SPRED1: variants seen among roughly 807,000 people sequenced by gnomAD.
The protein encoded by SPRED1 is sprouty related EVH1 domain containing 1.
SPRED1 carries 18 observed loss-of-function variants against 52.3 expected under a neutral mutation model. That is an observed-to-expected ratio of 0.34 (90% CI 0.24 to 0.51). SPRED1 has a LOEUF of 0.51. Among genes scored for constraint, SPRED1 ranks in the 20% least tolerant of loss-of-function variants. The probability of loss-of-function intolerance (pLI) is 0.97; values close to 1 mark genes in which losing one functional copy is unlikely to be tolerated. For synonymous variants in SPRED1, 155 were observed against 179.7 expected (o/e 0.86, Z 1.10); for missense variants, 485 against 551.0 (o/e 0.88, Z 1.20).
Position 38,319,353 on chromosome 15 carries a change from G to A in SPRED1, c.208-2888G>A, listed in dbSNP as rs188007945. 2.5e-4 allele frequency among the ~76,000 whole-genome samples: 38 copies of A among 152,084 alleles called. 1 individual carries two copies. In the South Asian group the frequency reaches 6.2e-3, roughly 25 times the overall value. On this transcript the variant is annotated intron_variant, in intron 2 of 6. Transcript: ENST00000299084. The stretch of plus-strand genomic sequence containing the variant: ...GTGTAAAATGCTTTAGCAAAGTGCC[G>A]ACTCAAAAAAGCTCTGGATACATGT...
At chr15:38,309,989 C>CCCTAATACAGAGTAGAATGATT (rs1343546283) in intron 2 of SPRED1, among the ~76,000 whole-genome samples, 1 of 152,090 alleles carries the variant, frequency 6.6e-6, no homozygotes, top group African/African-American at 2.4e-5. Context: ...ATATAAGAAG[C>CCCTAATACAGAGTAGAATGATT]CCTAATACAG....
At chr15:38,266,213 T>A (rs1361496173) in intron 1 of SPRED1, among the ~76,000 whole-genome samples, 1 of 152,214 alleles carries the variant, frequency 6.6e-6, no homozygotes. Flanking sequence ...AAATCTTAAA[T>A]GAGCATAAAT....
intron 1 of SPRED1, among the ~76,000 whole-genome samples, chr15:38,270,803 A>AATGT (rs1220941376): frequency 3.3e-5 from 5 of 152,174 alleles, no homozygotes; most frequent in East Asian, 1.9e-4. Flanking sequence ...AAATTAAAAA[A>AATGT]ATGTATGTAT....
At chr15:38,275,435 A>G (rs754528679) in intron 1 of SPRED1, among the ~76,000 whole-genome samples, 5 of 152,140 alleles carry the variant, frequency 3.3e-5, no homozygotes, top group Non-Finnish European at 5.9e-5. Context: ...GGAGAATTGT[A>G]TTTAGAAACT....
At chr15:38,290,697 AAGTGGAAAC>A (rs1377220602) in intron 1 of SPRED1, among the ~76,000 whole-genome samples, 2 of 152,180 alleles carry the variant, frequency 1.3e-5, no homozygotes, top group Non-Finnish European at 2.9e-5. Context: ...GAAGAAGCAA[AAGTGGAAAC>A]CCCTCATAAA....
chr15:38,308,155 A>C (rs1895289477), intron 2 of SPRED1, among the ~76,000 whole-genome samples: 1 of 152,180 alleles, frequency 6.6e-6, no homozygotes, highest in African/African-American at 2.4e-5. Context: ...AATTTTTATG[A>C]AATCTGATTT....
intron 5 of SPRED1, 82 bp from the exon 6 acceptor site, chr15:38,349,340 T>C (rs1896203467): frequency 9.6e-7 from 1 of 1,042,498 alleles, no homozygotes; most frequent in East Asian, 2.5e-5. Flanking sequence ...TAATAAATTA[T>C]GAGGTTTTGG....
At chr15:38,331,227 A>G (rs1486304416) in intron 4 of SPRED1, among the ~76,000 whole-genome samples, 5 of 152,196 alleles carry the variant, frequency 3.3e-5, no homozygotes, top group African/African-American at 1.2e-4. Context: ...CTGTGCCAGC[A>G]TACAATACTA....
At chr15:38,329,316 A>G (rs573815743) in intron 4 of SPRED1, among the ~76,000 whole-genome samples, 31 of 152,320 alleles carry the variant, frequency 2.0e-4, no homozygotes, top group African/African-American at 7.5e-4. Flanking sequence ...CTTTAGAAGT[A>G]AGTAATGTCA....
At chr15:38,325,315 T>G (rs1274692620) in intron 4 of SPRED1, among the ~76,000 whole-genome samples, 1 of 152,234 alleles carries the variant, frequency 6.6e-6, no homozygotes, top group Non-Finnish European at 1.5e-5. Flanking sequence ...AACATAAATT[T>G]CATCTTTAAA....
At chr15:38,277,149 A>G (rs1021588240) in intron 1 of SPRED1, among the ~76,000 whole-genome samples, 20 of 152,166 alleles carry the variant, frequency 1.3e-4, no homozygotes, top group African/African-American at 4.6e-4. Flanking sequence ...TTTAGGTTCA[A>G]GGTTACACGT....
intron 1 of SPRED1, among the ~76,000 whole-genome samples, chr15:38,282,473 C>CAA (rs1199621943): frequency 6.6e-6 from 1 of 151,562 alleles, no homozygotes; most frequent in Non-Finnish European, 1.5e-5. Context: ...TGCCACTGCA[C>CAA]TCTGGCCTGG....
chr15:38,258,715 A>G (rs1343069655), intron 1 of SPRED1, among the ~76,000 whole-genome samples: 1 of 152,232 alleles, frequency 6.6e-6, no homozygotes, highest in Non-Finnish European at 1.5e-5. Flanking sequence ...ATGGTAAAAT[A>G]AAATTGATTT....
intron 1 of SPRED1, among the ~76,000 whole-genome samples, chr15:38,281,802 C>T (rs1052015362): frequency 3.3e-5 from 5 of 151,992 alleles, no homozygotes; most frequent in Non-Finnish European, 7.4e-5. Flanking sequence ...GCTTTAGAGA[C>T]ATGCTGTAAA....
At chr15:38,323,230 A>G (rs944180120) in intron 3 of SPRED1, among the ~76,000 whole-genome samples, 1 of 152,188 alleles carries the variant, frequency 6.6e-6, no homozygotes, top group Non-Finnish European at 1.5e-5. Flanking sequence ...GAACATGGAA[A>G]TACATTGTAC....
intron 1 of SPRED1, among the ~76,000 whole-genome samples, chr15:38,295,842 G>A (rs1895024892): frequency 6.6e-6 from 1 of 151,940 alleles, no homozygotes; most frequent in Admixed American, 6.6e-5. Context: ...GTCAGCCAAT[G>A]AGCTAAAAAA....
In SPRED1 at chr15:38,281,638, A is replaced by G. The variant is rs1210099219; in HGVS notation, c.33-17735A>G. Among the ~76,000 whole-genome samples, 12 of 147,778 alleles carry G rather than the reference A, an allele frequency of 8.1e-5. No individual in the cohort carries two copies. The Admixed American group carries it at 8.4e-4, about 10-fold the overall frequency. ...GGCTGGTCTCAAACTCCTGGCTGCA[A>G]GTGATCCTCCTCAGCCTCCCAAGGT... On this transcript the variant is annotated intron_variant, in intron 1 of 6. Coordinates refer to ENST00000299084, the MANE Select transcript of SPRED1 (RefSeq NM_152594.3).
Position 38,356,500 on chromosome 15 carries a change from TAAG to T in SPRED1, c.*4838_*4840del, listed in dbSNP as rs1888624661. On this transcript the variant is annotated 3_prime_UTR_variant, in exon 7 of 7. Transcript: ENST00000299084. ...TCCTAGAGCTTATCAAATTATCACATAAGAGATAATTACTGGAGGAGAAAGTAA... is the reference window on the plus strand; with the variant it reads ...TCCTAGAGCTTATCAAATTATCACATAGATAATTACTGGAGGAGAAAGTAA... 6.6e-6 allele frequency: 1 copy of T among 152,096 alleles called. No homozygotes were observed. The highest frequency in any genetic ancestry group is 1.5e-5 in the Non-Finnish European group (1 of 67,956). The allele number at this position is 152,096 out of a possible 1,614,324, so 9.4% of individuals were successfully genotyped here.
At chr15:38,253,666 A>C (rs1318249681) in intron 1 of SPRED1, among the ~76,000 whole-genome samples, 2 of 151,734 alleles carry the variant, frequency 1.3e-5, no homozygotes, top group African/African-American at 4.8e-5. Flanking sequence ...TAATTCGATG[A>C]GTCAGTGACT....
Sources: allele counts gnomAD v4.1 joint callset (sites outside exome capture counted in the v4.1 genomes callset), GRCh38; gene constraint gnomAD v4.1.1; transcripts MANE v1.5; gene names NCBI Gene and HGNC (gene_info 2026-07-23, HGNC 2026-07-21).